Variants in MYH11 observed in about 807,000 individuals in gnomAD.
MYH11 encodes the protein myosin-11.
MYH11 carries 80 observed loss-of-function variants against 246.6 expected under a neutral mutation model. The observed-to-expected ratio is 0.32, with a 90% CI of 0.27 to 0.39. MYH11 has a LOEUF of 0.39. MYH11 is among the 10% of genes least tolerant of loss of function. MYH11 has a pLI of 1.00. For missense variants in MYH11, 2,158 were observed against 2,546.8 expected, an observed-to-expected ratio of 0.85 and a Z score of 3.29; for synonymous variants, 1,071 against 1,015.5, an observed-to-expected ratio of 1.05 and a Z score of -1.04.
At chr16:15,793,037 T>C (rs1450167781) in intron 4 of MYH11, among the ~76,000 whole-genome samples, 1 of 152,108 alleles carries the variant, frequency 6.6e-6, no homozygotes, top group Non-Finnish European at 1.5e-5. Flanking sequence ...GCCCAGCCTG[T>C]CATCCATTTT....
At chr16:15,788,095 TACCAAGATGG>T (rs2042520099) in intron 4 of MYH11, among the ~76,000 whole-genome samples, 1 of 99,488 alleles carries the variant, frequency 1.0e-5, no homozygotes. Flanking sequence ...TTTTTTTTTT[TACCAAGATGG>T]CTTTCGTGCA....
chr16:15,806,962 T>A (rs1262665540), intron 3 of MYH11, among the ~76,000 whole-genome samples: 1 of 151,768 alleles, frequency 6.6e-6, no homozygotes, highest in Non-Finnish European at 1.5e-5. Context: ...TCTGCTTTTT[T>A]TTTTCTTTTC....
intron 14 of MYH11, among the ~76,000 whole-genome samples, chr16:15,755,077 C>A (rs146735809): frequency 7.2e-5 from 11 of 152,272 alleles, no homozygotes; most frequent in African/African-American, 2.6e-4. Context: ...GGCTGTGTTC[C>A]AATAAAACTT....
At chr16:15,792,072 T>A (rs1434459896) in intron 4 of MYH11, 1 of 152,204 alleles carries the variant, frequency 6.6e-6, no homozygotes, top group Non-Finnish European at 1.5e-5. Flanking sequence ...ATTACTTTTG[T>A]TTTTTGAGAC....
chr16:15,712,714 T>C (rs1339751031), intron 40 of MYH11, among the ~76,000 whole-genome samples: 3 of 151,710 alleles, frequency 2.0e-5, no homozygotes, highest in African/African-American at 7.3e-5. Flanking sequence ...CAGGTGTGGA[T>C]GGTGTCGGGG....
In MYH11 at chr16:15,771,640, T is replaced by G; in HGVS notation, c.962A>C (p.Gln321Pro). ...SNGFVPIPAA[Q>P]DDEMFQETVE... ...GGTTTCCTGGAACATCTCATCATCC[T>G]GGGCTGCTGGGATGGGCACAAAGCC... is the stretch of plus-strand genomic sequence containing the variant. Residue 321 changes from glutamine (Q) to proline (P), a missense_variant, in exon 9 of 41, where the codon CAG (glutamine) becomes CCG (proline). Physicochemically the swap from Gln to Pro is moderately conservative, Grantham distance 76 (BLOSUM62 -1). Around this residue, in one of 11 missense-constraint regions of MYH11, gnomAD observed 75 missense variants for 70.0 expected, o/e 1.07. Coordinates refer to ENST00000300036, the MANE Select transcript of MYH11 (RefSeq NM_002474.3). The G allele has an allele frequency of 6.2e-7, 1 of 1,614,076 alleles. No individual in the cohort carries two copies. Among genetic ancestry groups the G allele is most frequent in the Non-Finnish European group, 8.5e-7 (1 of 1,180,016 alleles).
At chr16:15,715,386 C>T (rs1013184402) in intron 38 of MYH11, 114 bp from the exon 39 acceptor site, 13 of 908,592 alleles carry the variant, frequency 1.4e-5, no homozygotes, top group African/African-American at 3.3e-5. Flanking sequence ...ATCTGGACTC[C>T]TCTCAAGAAT....
chr16:15,793,944 T>C (rs1426841847), intron 4 of MYH11, among the ~76,000 whole-genome samples: 3 of 93,850 alleles, frequency 3.2e-5, no homozygotes, highest in African/African-American at 1.6e-4. Context: ...TCTTTTCTTT[T>C]CTTTTTTTTT....
chr16:15,732,760 C>G, intron 26 of MYH11, 52 bp from the exon 27 acceptor site: 7 of 1,609,168 alleles, frequency 4.4e-6, no homozygotes, highest in Non-Finnish European at 5.9e-6. Context: ...AGAGGGTCAT[C>G]TCAGTGCCGT....
intron 3 of MYH11, among the ~76,000 whole-genome samples, chr16:15,819,054 T>C (rs545288383): frequency 6.6e-6 from 1 of 152,106 alleles, no homozygotes; most frequent in South Asian, 2.1e-4. Context: ...AATTATTTTT[T>C]TGTAGAGACA....
chr16:15,745,552 C>A (rs904734031), intron 19 of MYH11, among the ~76,000 whole-genome samples: 2 of 151,426 alleles, frequency 1.3e-5, no homozygotes, highest in Non-Finnish European at 2.9e-5. Context: ...TACTCCCCAG[C>A]TGCACTAGCT....
intron 4 of MYH11, among the ~76,000 whole-genome samples, chr16:15,788,600 C>T (rs1272698875): frequency 6.6e-6 from 1 of 152,142 alleles, no homozygotes; most frequent in Non-Finnish European, 1.5e-5. Context: ...CTACAGGTCC[C>T]ACTGTCCAGA....
At chr16:15,718,830 T>C (rs1453195974) in intron 36 of MYH11, 2 of 407,240 alleles carry the variant, frequency 4.9e-6, no homozygotes, top group Non-Finnish European at 9.2e-6. Context: ...GCAGCAGCAT[T>C]GAAATGGGGG....
At position 15,759,196 on chromosome 16, in the gene MYH11, C is replaced by CTTT. The variant is rs10593456; in HGVS notation, c.1401+377_1401+379dup. ...GGAACTGTTAGAAAAGAGATATGTG[C>CTTT]TTTTTTTTTTTTTTTTTTTTTACCA... On this transcript the variant is annotated intron_variant, in intron 12 of 40. Transcript: ENST00000300036. 7.9e-4 allele frequency among the ~76,000 whole-genome samples: 94 copies of CTTT among 119,386 alleles called. 1 individual carries two copies. Among genetic ancestry groups the CTTT allele is most frequent in the East Asian group, 3.6e-3 (15 of 4,114 alleles). 78.3% of individuals were successfully genotyped at this position (119,386 alleles called of 152,430 possible). A position where few individuals can be genotyped will look rare whatever the true frequency, so the allele number is the denominator to read the frequency against.
At chr16:15,788,474 A>T (rs969383978) in intron 4 of MYH11, among the ~76,000 whole-genome samples, 8 of 152,046 alleles carry the variant, frequency 5.3e-5, no homozygotes, top group African/African-American at 1.7e-4. Context: ...TAAAGAAATT[A>T]ATTTTCTCTG....
chr16:15,710,914 G>T (rs1205329755), intron 40 of MYH11, among the ~76,000 whole-genome samples: 1 of 152,110 alleles, frequency 6.6e-6, no homozygotes, highest in Non-Finnish European at 1.5e-5. Context: ...CTGACCTCAG[G>T]TGATCAGCCC....
rs759564360 is a variant in MYH11 at position 15,798,609 on chromosome 16, A to T, written c.530+51T>A. The T allele has an allele frequency of 4.2e-3, 2,517 of 605,340 alleles. 46 individuals are homozygous for T. The African/African-American group carries it at 0.064, about 15-fold the overall frequency. The allele number at this position is 605,340 out of a possible 1,614,324, so 37.5% of individuals were successfully genotyped here. Reference sequence around the variant, plus strand: ...ATAGGTTGGATCTCGACTACAGATTAAAAAAAAAAAAAAACAAAAAAAAAA... The same window carrying T: ...ATAGGTTGGATCTCGACTACAGATTTAAAAAAAAAAAAAACAAAAAAAAAA... On this transcript the variant is annotated intron_variant, in intron 4 of 40. Coordinates refer to ENST00000300036, the MANE Select transcript of MYH11 (RefSeq NM_002474.3).
intron 4 of MYH11, among the ~76,000 whole-genome samples, chr16:15,787,226 G>A (rs943997508): frequency 2.0e-5 from 3 of 151,974 alleles, no homozygotes; most frequent in African/African-American, 7.2e-5. Flanking sequence ...GAGCAACACA[G>A]CACAACCCTG....
At chr16:15,706,235 C>G (rs928815221) in intron 40 of MYH11, among the ~76,000 whole-genome samples, 8 of 152,166 alleles carry the variant, frequency 5.3e-5, no homozygotes, top group Non-Finnish European at 8.8e-5. Context: ...TACTAGAGAA[C>G]TCTCCATCCT....
Sources: allele counts gnomAD v4.1 joint callset (sites outside exome capture counted in the v4.1 genomes callset), GRCh38; gene constraint gnomAD v4.1.1; regional missense constraint gnomAD v4.1.1; transcripts MANE v1.5; gene names NCBI Gene and HGNC (gene_info 2026-07-23, HGNC 2026-07-21).